Variants in VCAN observed in about 807,000 individuals in gnomAD.
The protein encoded by VCAN is versican core protein.
In VCAN, 44 loss-of-function variants were observed where a neutral mutation model predicts 245.5. That is an observed-to-expected ratio of 0.18 (90% CI 0.14 to 0.23). The LOEUF (loss-of-function observed/expected upper bound fraction) is 0.23, where lower values mean the gene tolerates loss of function less well. VCAN is among the 10% of genes least tolerant of loss of function. VCAN has a pLI of 1.00. For synonymous variants in VCAN, 1,413 were observed against 1,437.0 expected (o/e 0.98, Z 0.38); for missense variants, 3,793 against 4,057.9 (o/e 0.93, Z 1.77).
At chr5:83,502,202 CT>C (rs1745350522) in intron 5 of VCAN, among the ~76,000 whole-genome samples, 1 of 152,072 alleles carries the variant, frequency 6.6e-6, no homozygotes, top group African/African-American at 2.4e-5. Context: ...TTAGGATTTT[CT>C]TTATACACTC....
At chr5:83,478,159 T>C (rs1208170143) in intron 1 of VCAN, among the ~76,000 whole-genome samples, 1 of 151,980 alleles carries the variant, frequency 6.6e-6, no homozygotes, top group Non-Finnish European at 1.5e-5. Flanking sequence ...CCATGGCAGT[T>C]GATCTTGAAC....
At chr5:83,534,196 T>C (rs932026385) in intron 7 of VCAN, 1 of 151,984 alleles carries the variant, frequency 6.6e-6, no homozygotes, top group Non-Finnish European at 1.5e-5. Context: ...AATAAGAAGA[T>C]CATGAGATAT....
chr5:83,556,704 G>A (rs7710707), intron 12 of VCAN, among the ~76,000 whole-genome samples: 58,702 of 151,866 alleles, frequency 0.39, 11,545 homozygotes, highest in Admixed American at 0.44. Flanking sequence ...GATTAATAGC[G>A]ATTGGTATAG....
At chr5:83,532,115 A>G (rs1746545108) in intron 7 of VCAN, among the ~76,000 whole-genome samples, 1 of 152,084 alleles carries the variant, frequency 6.6e-6, no homozygotes, top group Non-Finnish European at 1.5e-5. Flanking sequence ...GCACATCTCC[A>G]TTTCGGAATG....
chr5:83,541,175 T>C lies in VCAN; in HGVS notation c.8172T>C (p.Thr2724=), dbSNP rs750692070. Residue 2724 remains threonine (T), a synonymous_variant, in exon 8 of 15, where the codon ACT becomes ACC. Transcript: ENST00000265077. ...TGGATGACATGTTTGAATCAAGCAC[T>C]TTGTCTGATGGTCAAGCTATTGCAG... is the stretch of plus-strand genomic sequence containing the variant. ...KALDDMFESS[T]LSDGQAIADQ... 5.0e-6 allele frequency: 8 copies of C among 1,614,048 alleles called. No individual in the cohort carries two copies. The highest frequency in any genetic ancestry group is 1.3e-5 in the African/African-American group (1 of 75,046).
chr5:83,508,818 A>C (rs144951021), intron 5 of VCAN, among the ~76,000 whole-genome samples: 1 of 152,326 alleles, frequency 6.6e-6, no homozygotes, highest in African/African-American at 2.4e-5. Context: ...GTTTTATAAA[A>C]ATTTTATTTG....
intron 12 of VCAN, among the ~76,000 whole-genome samples, chr5:83,562,483 A>T (rs1241631416): frequency 6.6e-6 from 1 of 152,282 alleles, no homozygotes; most frequent in Middle Eastern, 3.4e-3. Flanking sequence ...TTTACTCACT[A>T]CTGGAAAATC....
At chr5:83,525,207 A>T (rs536714199) in intron 7 of VCAN, among the ~76,000 whole-genome samples, 1 of 152,128 alleles carries the variant, frequency 6.6e-6, no homozygotes, top group South Asian at 2.1e-4. Context: ...TTCAGCTCAT[A>T]AAAGTTTTAT....
At position 83,541,582 on chromosome 5, in the gene VCAN, C is replaced by T. The variant is rs1397075309; in HGVS notation, c.8579C>T (p.Ser2860Phe). 1.9e-6 allele frequency: 3 copies of T among 1,613,908 alleles called. No individual in the cohort carries two copies. The East Asian group carries it at 6.7e-5, about 36-fold the overall frequency. Residue 2860 changes from serine (S) to phenylalanine (F), a missense_variant, in exon 8 of 15, where the codon TCC becomes TTC. This residue lies in a region of VCAN where 3,182 missense variants were observed against 3,250.3 expected (regional missense o/e 0.98). Transcript: ENST00000265077. ...ATAGACGTCGGCTCATCTGTAATGT[C>T]CCCACAGGATTCTTTTAAGGAAATT... ...PGIDVGSSVM[S>F]PQDSFKEIHV...
intron 13 of VCAN, among the ~76,000 whole-genome samples, chr5:83,578,651 G>A (rs1203497340): frequency 6.6e-6 from 1 of 152,124 alleles, no homozygotes; most frequent in African/African-American, 2.4e-5. Context: ...ATATTAGGAT[G>A]TTGACATTCA....
At chr5:83,476,544 T>C (rs1265148042) in intron 1 of VCAN, among the ~76,000 whole-genome samples, 1 of 152,178 alleles carries the variant, frequency 6.6e-6, no homozygotes, top group Non-Finnish European at 1.5e-5. Flanking sequence ...AAGCATGTAC[T>C]CTCCCTGATT....
In VCAN at chr5:83,541,988, T is replaced by C. The variant is rs553717265; in HGVS notation, c.8985T>C (p.Ser2995=). The C allele has an allele frequency of 6.2e-7, 1 of 1,613,152 alleles. No individual in the cohort carries two copies. The highest frequency in any genetic ancestry group is 1.3e-5 in the African/African-American group (1 of 75,002). Residue 2995 remains serine, a synonymous_variant, in exon 8 of 15, where the codon AGT becomes AGC. Coordinates refer to ENST00000265077, the MANE Select transcript of VCAN (RefSeq NM_004385.5). ...GVEAGVVPWL[S]PQTSERPTLS... is the part of the protein sequence containing the mutation. ...AGGCAGGTGTGGTGCCTTGGCTAAG[T>C]CCACAGACTTCTGAGAGGCCCACGC...
intron 13 of VCAN, among the ~76,000 whole-genome samples, chr5:83,574,320 C>T (rs1264208279): frequency 6.6e-6 from 1 of 152,164 alleles, no homozygotes; most frequent in African/African-American, 2.4e-5. Context: ...TTAATCCAGT[C>T]ATGTTGACAC....
At chr5:83,578,333 G>A (rs1341395561) in intron 13 of VCAN, among the ~76,000 whole-genome samples, 1 of 152,074 alleles carries the variant, frequency 6.6e-6, no homozygotes, top group Non-Finnish European at 1.5e-5. Flanking sequence ...GCCTACTTGA[G>A]GGTGGAGGAT....
chr5:83,478,229 A>C (rs1744469911), intron 1 of VCAN, among the ~76,000 whole-genome samples: 1 of 152,196 alleles, frequency 6.6e-6, no homozygotes. Flanking sequence ...TACAGGCATG[A>C]GCCACTGTGC....
Position 83,521,349 on chromosome 5 carries a change from AC to A in VCAN, c.3044del (p.Thr1015IlefsTer7), listed in dbSNP as rs1200320340. ...CATTGATCAGACTCGCCTTGAAGCG[AC>A]TATTTCTCCAGAAACTATGAGAACA... Reference protein sequence around the residue: ...LVIDQTRLEATISPETMRTTK... With the variant: ...LVIDQTRLEAXISPETMRTTK... On this transcript the variant is annotated frameshift_variant, in exon 7 of 15. Transcript: ENST00000265077. LOFTEE classifies it high-confidence loss of function. 6.2e-7 allele frequency: 1 copy of A among 1,614,110 alleles called. No individual in the cohort carries two copies.
Position 83,539,934 on chromosome 5 carries a change from G to T in VCAN, c.6931G>T (p.Val2311Phe), listed in dbSNP as rs1746899662. ...FNRMENVAKE[V>F]GPLVSQTDIF... ...CAGAATGGAAAATGTGGCAAAAGAA[G>T]TTGGACCACTCGTATCTCAAACAGA... Residue 2311 changes from valine (V) to phenylalanine (F), a missense_variant, in exon 8 of 15, where the codon GTT becomes TTT. Val to Phe is a conservative substitution (Grantham distance 50). Coordinates refer to ENST00000265077, the MANE Select transcript of VCAN (RefSeq NM_004385.5). 6.2e-7 allele frequency: 1 copy of T among 1,614,096 alleles called. No individual in the cohort carries two copies. Among genetic ancestry groups the T allele is most frequent in the Non-Finnish European group, 8.5e-7 (1 of 1,179,984 alleles).
intron 10 of VCAN, among the ~76,000 whole-genome samples, chr5:83,551,299 T>A (rs965356986): frequency 2.6e-5 from 4 of 152,008 alleles, no homozygotes; most frequent in Admixed American, 6.6e-5. Context: ...TCACCTGAGG[T>A]CAGGTGTTCA....
At position 83,540,284 on chromosome 5, in the gene VCAN, A is replaced by G. The variant is rs895907078; in HGVS notation, c.7281A>G (p.Glu2427=). 8 of 1,614,000 alleles carry G rather than the reference A, an allele frequency of 5.0e-6. No homozygotes were observed. The highest frequency in any genetic ancestry group is 1.7e-5 in the Admixed American group (1 of 59,982). Reference sequence around the variant, plus strand: ...CAAAACCATCTGACTTGTATTATGAACCTTCTGGAGAAGGATCTGGAGAAG... The same window carrying G: ...CAAAACCATCTGACTTGTATTATGAGCCTTCTGGAGAAGGATCTGGAGAAG... The part of the protein sequence containing the change: ...SAPKPSDLYY[E]PSGEGSGEVD... Residue 2427 remains glutamate, a synonymous_variant, in exon 8 of 15, where the codon GAA becomes GAG. Transcript: ENST00000265077.
Sources: allele counts gnomAD v4.1 joint callset (sites outside exome capture counted in the v4.1 genomes callset), GRCh38; gene constraint gnomAD v4.1.1; regional missense constraint gnomAD v4.1.1; transcripts MANE v1.5; gene names NCBI Gene and HGNC (gene_info 2026-07-23, HGNC 2026-07-21).